The following SLC35E3 variants were observed in gnomAD, a reference collection of about 807,000 sequenced individuals.
SLC35E3 encodes bladder cancer-overexpressed gene 1 protein.
Under a neutral mutation model 30.8 loss-of-function variants are expected in SLC35E3, and 28 were observed. The observed-to-expected ratio is 0.91, with a 90% CI of 0.67 to 1.25. The LOEUF (loss-of-function observed/expected upper bound fraction) is 1.25. Among genes scored for constraint, SLC35E3 ranks in the 50% most tolerant of loss-of-function variants. SLC35E3 has a pLI of 0.00. For synonymous variants in SLC35E3, 146 were observed against 149.2 expected, an observed-to-expected ratio of 0.98 and a Z score of 0.16; for missense variants, 365 against 375.4, an observed-to-expected ratio of 0.97 and a Z score of 0.23.
At chr12:68,752,004 C>T in intron 2 of SLC35E3, 28 bp from the exon 3 acceptor site, 1 of 1,549,838 alleles carries the variant, frequency 6.5e-7, no homozygotes, top group Non-Finnish European at 8.7e-7. Flanking sequence ...TCTTTTGTGC[C>T]AGACATGTTT....
intron 2 of SLC35E3, among the ~76,000 whole-genome samples, chr12:68,748,543 TAATA>T (rs1183010962): frequency 6.6e-6 from 1 of 151,976 alleles, no homozygotes; most frequent in African/African-American, 2.4e-5. Flanking sequence ...TACTCTATAT[TAATA>T]AATATAGAGT....
At position 68,746,309 on chromosome 12, in the gene SLC35E3, G is replaced by A. The variant is rs1373573010; in HGVS notation, c.-69G>A. On this transcript the variant is annotated 5_prime_UTR_variant, in exon 1 of 5. Coordinates refer to ENST00000398004, the MANE Select transcript of SLC35E3 (RefSeq NM_018656.5). Reference sequence around the variant, plus strand: ...GCGTCTGCGAGGACGCGGCGGTGGAGTAGAAGGGCAGCCGGAGACAGGCCC... The same window carrying A: ...GCGTCTGCGAGGACGCGGCGGTGGAATAGAAGGGCAGCCGGAGACAGGCCC... 1.4e-6 allele frequency: 2 copies of A among 1,479,692 alleles called. No homozygotes were observed. The highest frequency in any genetic ancestry group is 9.0e-7 in the Non-Finnish European group (1 of 1,108,910). The allele number at this position is 1,479,692 out of a possible 1,614,324, so 91.7% of individuals were successfully genotyped here.
chr12:68,764,674 T>C (rs1349480121), intron 4 of SLC35E3, 30 bp from the exon 5 acceptor site: 4 of 1,602,224 alleles, frequency 2.5e-6, no homozygotes, highest in Non-Finnish European at 3.4e-6. Flanking sequence ...TATCTTGTTA[T>C]TCCTTTTTAT....
At chr12:68,752,713 A>C (rs1878849565) in intron 3 of SLC35E3, among the ~76,000 whole-genome samples, 1 of 152,164 alleles carries the variant, frequency 6.6e-6, no homozygotes. Flanking sequence ...TCTACAAAAA[A>C]TTAAGAAATG....
At chr12:68,749,757 A>G (rs1349597616) in intron 2 of SLC35E3, among the ~76,000 whole-genome samples, 1 of 152,198 alleles carries the variant, frequency 6.6e-6, no homozygotes, top group Non-Finnish European at 1.5e-5. Context: ...GTGTGTGTGA[A>G]AGTCTGGAGC....
intron 2 of SLC35E3, among the ~76,000 whole-genome samples, chr12:68,751,680 A>G (rs1878799698): frequency 6.6e-6 from 1 of 152,012 alleles, no homozygotes; most frequent in Non-Finnish European, 1.5e-5. Flanking sequence ...CTGAATTTCT[A>G]TTTCTCCCTT....
At position 68,779,545 on chromosome 12, in the gene SLC35E3, A is replaced by ATCG. The variant is rs1294609472; in HGVS notation, c.*14656_*14657insCGT. ...GGCTGGAACCAGAAAGGATATAAGC[A>ATCG]TGGTTTGAGAAGGAAAAAAAGCTTA... On this transcript the variant is annotated 3_prime_UTR_variant, in exon 5 of 5. Transcript: ENST00000398004. 1.3e-5 allele frequency: 2 copies of ATCG among 152,184 alleles called. No homozygotes were observed. The highest frequency in any genetic ancestry group is 2.9e-5 in the Non-Finnish European group (2 of 68,048). 9.4% of individuals were successfully genotyped at this position (152,184 alleles called of 1,614,324 possible). A position where few individuals can be genotyped will look rare whatever the true frequency, so the allele number is the denominator to read the frequency against.
intron 4 of SLC35E3, chr12:68,759,923 G>GC: frequency 6.6e-6 from 1 of 152,376 alleles, no homozygotes. Context: ...TAACAAAGTA[G>GC]AGGAATGGTT....
rs1298212322 is a variant in SLC35E3 at position 68,765,825 on chromosome 12, A to G, written c.*935A>G. 1 of 151,518 alleles carries G rather than the reference A, an allele frequency of 6.6e-6. No homozygotes were observed. The highest frequency in any genetic ancestry group is 1.9e-4 in the East Asian group (1 of 5,154). The allele number at this position is 151,518 out of a possible 1,614,324, so 9.4% of individuals were successfully genotyped here. The stretch of plus-strand genomic sequence containing the variant: ...AAAATTAAAGTTCTGTGATAATGAC[A>G]AAGGAATTGCTGTTACTGTACTGCA... On this transcript the variant is annotated 3_prime_UTR_variant, in exon 5 of 5. Transcript: ENST00000398004.
chr12:68,759,307 C>A, intron 4 of SLC35E3, 68 bp downstream of exon 4: 8 of 1,130,522 alleles, frequency 7.1e-6, no homozygotes, highest in Non-Finnish European at 1.1e-5. Flanking sequence ...CATTCATTAC[C>A]TTATTTGAAT....
intron 4 of SLC35E3, among the ~76,000 whole-genome samples, chr12:68,762,050 T>C (rs930571034): frequency 6.6e-6 from 1 of 151,982 alleles, no homozygotes; most frequent in African/African-American, 2.4e-5. Context: ...AACCTCAAAC[T>C]GTTGGGCTCA....
At position 68,746,202 on chromosome 12, in the gene SLC35E3, C is replaced by T. The variant is rs909232515; in HGVS notation, c.-176C>T. 9 of 525,170 alleles carry T rather than the reference C, an allele frequency of 1.7e-5. No homozygotes were observed. Among genetic ancestry groups the T allele is most frequent in the Middle Eastern group, 3.8e-4 (1 of 2,618 alleles). 32.5% of individuals were successfully genotyped at this position (525,170 alleles called of 1,614,324 possible). A position where few individuals can be genotyped will look rare whatever the true frequency, so the allele number is the denominator to read the frequency against. On this transcript the variant is annotated 5_prime_UTR_variant, in exon 1 of 5. Transcript: ENST00000398004. ...TCCTAGCTGGCTTACAGGGCGGCGG[C>T]GGGGTGTGTGTCCTCTGTTAAGAGT...
At chr12:68,760,957 A>G (rs1489140792) in intron 4 of SLC35E3, among the ~76,000 whole-genome samples, 5 of 152,250 alleles carry the variant, frequency 3.3e-5, no homozygotes, top group African/African-American at 1.2e-4. Context: ...CTAGTCAGGA[A>G]GGCATCAGTG....
In SLC35E3 at chr12:68,766,597, T is replaced by A. The variant is rs1274736747; in HGVS notation, c.*1707T>A. The A allele has an allele frequency of 8.8e-6, 2 of 227,532 alleles. No individual in the cohort carries two copies. The highest frequency in any genetic ancestry group is 5.5e-5 in the Admixed American group (1 of 18,142). The allele number at this position is 227,532 out of a possible 1,614,324, so 14.1% of individuals were successfully genotyped here. ...GAGCATTTTATATTGGTAAATTTTT[T>A]ATTTTCTTATTTTTTGTCTTACAGT... On this transcript the variant is annotated 3_prime_UTR_variant, in exon 5 of 5. Coordinates refer to ENST00000398004, the MANE Select transcript of SLC35E3 (RefSeq NM_018656.5).
chr12:68,761,641 C>T (rs1357353652), intron 4 of SLC35E3, among the ~76,000 whole-genome samples: 1 of 152,146 alleles, frequency 6.6e-6, no homozygotes, highest in Non-Finnish European at 1.5e-5. Flanking sequence ...AGCAGAATCA[C>T]CCATGGTTGA....
intron 3 of SLC35E3, among the ~76,000 whole-genome samples, chr12:68,757,535 A>T (rs1212683364): frequency 6.6e-6 from 1 of 152,216 alleles, no homozygotes. Context: ...CAGCCAAGTT[A>T]TCTATAAAAA....
intron 3 of SLC35E3, 95 bp downstream of exon 3, chr12:68,752,285 C>A: frequency 8.7e-7 from 1 of 1,144,690 alleles, no homozygotes; most frequent in Non-Finnish European, 1.2e-6. Flanking sequence ...TATGTCCGAT[C>A]CATTCTCACA....
rs1270077409 is a variant in SLC35E3 at position 68,759,020 on chromosome 12, C to T, written c.673-137C>T. 43 of 672,888 alleles carry T rather than the reference C, an allele frequency of 6.4e-5. 1 individual carries two copies. Among genetic ancestry groups the T allele is most frequent in the South Asian group, 5.2e-4 (28 of 53,600 alleles). 41.7% of individuals were successfully genotyped at this position (672,888 alleles called of 1,614,324 possible). On this transcript the variant is annotated intron_variant, in intron 3 of 4. Transcript: ENST00000398004. ...CTGGGATTACAGGCGTGAGCCACCG[C>T]GCCCGGCCCTCTCTTTCTAATCTTA... is the stretch of plus-strand genomic sequence containing the variant.
chr12:68,776,048 G>A lies in SLC35E3; in HGVS notation c.*11158G>A, dbSNP rs1187909022. 1 of 146,198 alleles carries A rather than the reference G, an allele frequency of 6.8e-6. No homozygotes were observed. Among genetic ancestry groups the A allele is most frequent in the Non-Finnish European group, 1.5e-5 (1 of 67,018 alleles). 9.1% of individuals were successfully genotyped at this position (146,198 alleles called of 1,614,324 possible). ...AGGCCAAGGCAGGAGGATCACTTGA[G>A]GTCAGGAGTTGGAGACCAGCCTGGC... On this transcript the variant is annotated 3_prime_UTR_variant, in exon 5 of 5. Transcript: ENST00000398004.
Sources: allele counts gnomAD v4.1 joint callset (sites outside exome capture counted in the v4.1 genomes callset), GRCh38; gene constraint gnomAD v4.1.1; transcripts MANE v1.5; gene names NCBI Gene and HGNC (gene_info 2026-07-23, HGNC 2026-07-21).